Variants in MMD2 observed in about 807,000 individuals in gnomAD.
MMD2 encodes monocyte to macrophage differentiation associated 2.
Under a neutral mutation model 33.5 loss-of-function variants are expected in MMD2, and 30 were observed. The ratio of observed to expected loss-of-function variants is 0.90; its 90% confidence interval spans 0.67 to 1.22. The LOEUF is 1.22. Ranked by LOEUF, MMD2 falls within the 50% of genes most tolerant of loss-of-function variation. The probability of loss-of-function intolerance (pLI) is 0.00; values close to 1 mark genes in which losing one functional copy is unlikely to be tolerated. For missense variants in MMD2, 364 were observed against 325.4 expected, an observed-to-expected ratio of 1.12 and a Z score of -0.91; for synonymous variants, 129 against 123.0, an observed-to-expected ratio of 1.05 and a Z score of -0.32.
chr7:4,956,850 C>T (rs1314215754), intron 1 of MMD2, among the ~76,000 whole-genome samples: 1 of 152,090 alleles, frequency 6.6e-6, no homozygotes, highest in African/African-American at 2.4e-5. Context: ...TCTCTCTTTC[C>T]CGTGAACAGT....
At chr7:4,916,753 A>C (rs539920049) in intron 3 of MMD2, among the ~76,000 whole-genome samples, 1 of 152,216 alleles carries the variant, frequency 6.6e-6, no homozygotes, top group South Asian at 2.1e-4. Context: ...AAAGATTTAT[A>C]ATGGGGAAAG....
At chr7:4,958,167 GACGGGTCTGTGCTCGCCGAAGACC>G (rs1786438704) in intron 1 of MMD2, among the ~76,000 whole-genome samples, 1 of 152,182 alleles carries the variant, frequency 6.6e-6, no homozygotes, top group Non-Finnish European at 1.5e-5. Context: ...GCTCCCAGCA[GACGGGTCTGTGCTCGCCGAAGACC>G]ACTGGGGACC....
At chr7:4,957,112 G>A (rs937821790) in intron 1 of MMD2, among the ~76,000 whole-genome samples, 23 of 151,460 alleles carry the variant, frequency 1.5e-4, no homozygotes, top group African/African-American at 5.6e-4. Flanking sequence ...GTTGCAGTGA[G>A]CTGAGATCAC....
intron 2 of MMD2, among the ~76,000 whole-genome samples, chr7:4,921,170 C>T (rs1029579050): frequency 6.6e-6 from 1 of 152,136 alleles, no homozygotes; most frequent in African/African-American, 2.4e-5. Context: ...ATCCCAGCCC[C>T]TCTCTGGGCC....
rs1562475584 is a variant in MMD2 at position 4,909,969 on chromosome 7, GT to G, written c.468-20del. On this transcript the variant is annotated intron_variant, in intron 5 of 6. Coordinates refer to ENST00000401401, the MANE Select transcript of MMD2 (RefSeq NM_198403.4). Reference sequence around the variant, plus strand: ...CTTGTACCTGGCAGGAAGACAAGCCGTGCCGGCCTTAGGACATGCCTCCCCA... The same window carrying G: ...CTTGTACCTGGCAGGAAGACAAGCCGGCCGGCCTTAGGACATGCCTCCCCA... 1 of 1,613,948 alleles carries G rather than the reference GT, an allele frequency of 6.2e-7. No individual in the cohort carries two copies. Among genetic ancestry groups the G allele is most frequent in the East Asian group, 2.2e-5 (1 of 44,880 alleles).
At chr7:4,893,998 T>A in the MMD2 span, among the ~76,000 whole-genome samples, 3 of 152,190 alleles carry the variant, frequency 2.0e-5, no homozygotes, top group Non-Finnish European at 4.4e-5. Flanking sequence ...CTTTGCGACC[T>A]GTATCTTGTG....
chr7:4,893,934 G>C, the MMD2 span, among the ~76,000 whole-genome samples: 1 of 152,134 alleles, frequency 6.6e-6, no homozygotes, highest in East Asian at 1.9e-4. Flanking sequence ...CGCCATCTTG[G>C]TTTTGGTAGG....
At chr7:4,930,140 G>A (rs978223604) in intron 1 of MMD2, among the ~76,000 whole-genome samples, 52 of 151,742 alleles carry the variant, frequency 3.4e-4, no homozygotes, top group African/African-American at 1.2e-3. Context: ...TGTGGTGGCG[G>A]GCACCTGTAG....
intron 6 of MMD2, among the ~76,000 whole-genome samples, chr7:4,909,432 CA>C (rs398066566): frequency 6.5e-4 from 87 of 133,458 alleles, no homozygotes; most frequent in South Asian, 7.3e-4. Flanking sequence ...CCTGCCTCTA[CA>C]AAAAAAAAAA....
intron 4 of MMD2, among the ~76,000 whole-genome samples, chr7:4,915,629 A>G (rs1370031762): frequency 1.3e-5 from 2 of 151,756 alleles, no homozygotes; most frequent in Non-Finnish European, 2.9e-5. Flanking sequence ...AATCCCAGCT[A>G]CTCGGGAGGC....
rs188450638 is a variant in MMD2, at chr7:4,927,656, G to A, written c.48-2124C>T. Among the ~76,000 whole-genome samples the A allele has an allele frequency of 2.4e-3, 360 of 152,196 alleles. 3 individuals carry two copies. The highest frequency in any genetic ancestry group is 7.8e-3 in the African/African-American group (322 of 41,518). On this transcript the variant is annotated intron_variant, in intron 1 of 6. Coordinates refer to ENST00000401401, the MANE Select transcript of MMD2 (RefSeq NM_198403.4). ...CGGGAGGCAGAAGTTGCAGTGAGCC[G>A]AGATTGTGCCACTGCACTCCAGCCT...
At chr7:4,918,932 T>C (rs1249997120) in intron 3 of MMD2, among the ~76,000 whole-genome samples, 1 of 151,696 alleles carries the variant, frequency 6.6e-6, no homozygotes, top group Non-Finnish European at 1.5e-5. Flanking sequence ...ACCCCATCTG[T>C]ACAAGAAATA....
chr7:4,915,360 T>C (rs1163157052), intron 4 of MMD2, among the ~76,000 whole-genome samples: 1 of 151,972 alleles, frequency 6.6e-6, no homozygotes, highest in Non-Finnish European at 1.5e-5. Flanking sequence ...TGTATATGCA[T>C]GTGTATGCAT....
chr7:4,951,427 G>A (rs1786240038), intron 1 of MMD2, among the ~76,000 whole-genome samples: 1 of 151,878 alleles, frequency 6.6e-6, no homozygotes, highest in African/African-American at 2.4e-5. Context: ...CCCTGCCCTG[G>A]GTCCCTGCAC....
rs116687841 is a variant in MMD2 at position 4,939,702 on chromosome 7, T to C, written c.48-14170A>G. Reference sequence around the variant, plus strand: ...CTGCAGACTGCAGACAAATGTCAAATGGCGGTGCACACACTTCCAATCTAT... The same window carrying C: ...CTGCAGACTGCAGACAAATGTCAAACGGCGGTGCACACACTTCCAATCTAT... On this transcript the variant is annotated intron_variant, in intron 1 of 6. Coordinates refer to ENST00000401401, the MANE Select transcript of MMD2 (RefSeq NM_198403.4). 2.3e-3 allele frequency among the ~76,000 whole-genome samples: 353 copies of C among 152,060 alleles called. 1 individual carries two copies. The highest frequency in any genetic ancestry group is 8.2e-3 in the African/African-American group (341 of 41,520).
chr7:4,916,163 C>G, intron 3 of MMD2, 84 bp from the exon 4 acceptor site: 2 of 1,316,020 alleles, frequency 1.5e-6, no homozygotes, highest in Non-Finnish European at 2.2e-6. Context: ...CTGGACTGAT[C>G]GTGCCTGCCT....
chr7:4,906,559 A>C lies in MMD2; in HGVS notation c.*837T>G. The C allele has an allele frequency of 2.5e-6, 1 of 398,622 alleles. No individual in the cohort carries two copies. Among genetic ancestry groups the C allele is most frequent in the Non-Finnish European group, 4.4e-6 (1 of 226,078 alleles). The allele number at this position is 398,622 out of a possible 1,614,324, so 24.7% of individuals were successfully genotyped here. A position where few individuals can be genotyped will look rare whatever the true frequency, so the allele number is the denominator to read the frequency against. ...TTTTTGGAGATGGGAAGAAATGGCC[A>C]AGTAACAGCATCCTCATTCCCAACT... is the stretch of plus-strand genomic sequence containing the variant. On this transcript the variant is annotated 3_prime_UTR_variant, in exon 7 of 7. Coordinates refer to ENST00000401401, the MANE Select transcript of MMD2 (RefSeq NM_198403.4).
At chr7:4,930,271 CAA>C (rs770469673) in intron 1 of MMD2, among the ~76,000 whole-genome samples, 5 of 47,168 alleles carry the variant, frequency 1.1e-4, no homozygotes, top group Admixed American at 2.6e-4. Context: ...GACTCCATCT[CAA>C]AAAAAAAAAA....
chr7:4,907,592 G>T lies in MMD2; in HGVS notation c.545C>A (p.Thr182Asn). 1 of 1,612,356 alleles carries T rather than the reference G, an allele frequency of 6.2e-7. No individual in the cohort carries two copies. ...GGTCACCAGCTCCCAGATGCCCTCG[G>T]TGTTGGGCTGTCGGCAAGGACAAGG... is the stretch of plus-strand genomic sequence containing the variant. ...PALVILSMPN[T>N]EGIWELVTGG... is the part of the protein sequence containing the mutation. Residue 182 changes from threonine (T) to asparagine (N), a missense_variant, in exon 7 of 7, where the codon ACC (threonine) becomes AAC (asparagine). Thr to Asn is a moderately conservative substitution (Grantham distance 65). Coordinates refer to ENST00000401401, the MANE Select transcript of MMD2 (RefSeq NM_198403.4).
Sources: gnomAD v4.1 joint callset for allele counts (sites outside exome capture counted in the v4.1 genomes callset) on GRCh38, gnomAD v4.1.1 for gene constraint, MANE v1.5 for transcripts, NCBI Gene and HGNC (gene_info 2026-07-23, HGNC 2026-07-21) for gene names.